Variants in FMN2 observed in about 807,000 individuals in gnomAD.
The protein encoded by FMN2 is formin-2.
In FMN2, 51 loss-of-function variants were observed where a neutral mutation model predicts 142.3. The observed-to-expected ratio is 0.36, with a 90% confidence interval of 0.29 to 0.45. The LOEUF is 0.45. FMN2 is among the 20% of genes least tolerant of loss of function. FMN2 has a pLI of 1.00. For missense variants in FMN2, 1,936 were observed against 2,122.8 expected (o/e 0.91, Z 1.73); for synonymous variants, 882 against 869.8 (o/e 1.01, Z -0.25).
intron 1 of FMN2, among the ~76,000 whole-genome samples, chr1:240,121,094 G>A (rs951529702): frequency 1.3e-5 from 2 of 152,066 alleles, no homozygotes; most frequent in African/African-American, 4.8e-5. Context: ...CCGGGAGGCG[G>A]AGGTTGCAGT....
In FMN2 at chr1:240,258,017, A is replaced by G. The variant is rs1668507304; in HGVS notation, c.4138A>G (p.Lys1380Glu). ...AATGTCTAGCCTTCATTTAGATATG[A>G]AAGACATACAACATGGTAAGTGTCA... ...ILMSSLHLDM[K>E]DIQHAVVNLD... Residue 1380 changes from lysine to glutamate, a missense_variant, in exon 7 of 18, where the codon AAA becomes GAA. Lys to Glu is a moderately conservative substitution (Grantham distance 56, BLOSUM62 1). This residue lies in a region of FMN2 where 322 missense variants were observed against 401.6 expected (regional missense o/e 0.80). Transcript: ENST00000319653. The G allele has an allele frequency of 1.9e-6, 3 of 1,611,304 alleles. No homozygotes were observed. Among genetic ancestry groups the G allele is most frequent in the Non-Finnish European group, 2.5e-6 (3 of 1,178,938 alleles).
chr1:240,264,328 G>C (rs1040102370), intron 7 of FMN2, among the ~76,000 whole-genome samples: 4 of 152,142 alleles, frequency 2.6e-5, no homozygotes, highest in Middle Eastern at 3.2e-3. Flanking sequence ...GTACCAAAAA[G>C]AGAACCGGTA....
At chr1:240,228,555 A>G (rs1169426035) in intron 6 of FMN2, among the ~76,000 whole-genome samples, 1 of 152,044 alleles carries the variant, frequency 6.6e-6, no homozygotes, top group Non-Finnish European at 1.5e-5. Flanking sequence ...AAGGATGCGG[A>G]GAAACTGGAA....
intron 13 of FMN2, among the ~76,000 whole-genome samples, chr1:240,340,057 A>C (rs955510526): frequency 2.2e-4 from 34 of 152,176 alleles, no homozygotes; most frequent in African/African-American, 8.0e-4. Flanking sequence ...AATAAGATGA[A>C]TGTTTTAGAA....
chr1:240,355,776 A>T, intron 13 of FMN2, 40 bp from the exon 14 acceptor site: 1 of 1,462,338 alleles, frequency 6.8e-7, no homozygotes, highest in Non-Finnish European at 9.5e-7. Context: ...ATGCTCCACT[A>T]ACAGTGTGAC....
intron 2 of FMN2, among the ~76,000 whole-genome samples, chr1:240,165,909 G>T (rs1394705021): frequency 1.3e-5 from 2 of 151,838 alleles, no homozygotes; most frequent in African/African-American, 2.4e-5. Context: ...AGAGGTCAGG[G>T]TCCTCCAGTC....
At chr1:240,449,841 C>A (rs1675945060) in intron 16 of FMN2, among the ~76,000 whole-genome samples, 3 of 152,030 alleles carry the variant, frequency 2.0e-5, no homozygotes, top group Admixed American at 1.3e-4. Context: ...AAAGTGATGT[C>A]TTGATATACA....
intron 2 of FMN2, chr1:240,171,394 G>A (rs1664697228): frequency 1.8e-6 from 1 of 541,484 alleles, no homozygotes; most frequent in Middle Eastern, 5.2e-4. Flanking sequence ...CTACTCCAGA[G>A]AATGGTGTGA....
chr1:240,146,817 A>G (rs998841665), intron 2 of FMN2, among the ~76,000 whole-genome samples: 6 of 152,156 alleles, frequency 3.9e-5, no homozygotes, highest in Non-Finnish European at 7.3e-5. Context: ...ATAAGTGAAC[A>G]CCAATCTAGT....
intron 15 of FMN2, among the ~76,000 whole-genome samples, chr1:240,422,701 T>C (rs539558915): frequency 1.3e-5 from 2 of 152,344 alleles, no homozygotes; most frequent in East Asian, 3.9e-4. Flanking sequence ...GACAGTTGTA[T>C]TTCTTTCTTT....
At chr1:240,407,541 G>A (rs1006127329) in intron 15 of FMN2, among the ~76,000 whole-genome samples, 5 of 152,162 alleles carry the variant, frequency 3.3e-5, no homozygotes, top group African/African-American at 4.8e-5. Context: ...GTCAAGGAGG[G>A]AGATAGCAAG....
At chr1:240,126,357 C>T (rs1429486089) in intron 2 of FMN2, among the ~76,000 whole-genome samples, 1 of 150,732 alleles carries the variant, frequency 6.6e-6, no homozygotes, top group Non-Finnish European at 1.5e-5. Flanking sequence ...TGGTACCCTT[C>T]CTACCTACCC....
chr1:240,387,297 A>G lies in FMN2; in HGVS notation c.4859-5214A>G, dbSNP rs115420961. Among the ~76,000 whole-genome samples the G allele has an allele frequency of 4.6e-3, 700 of 152,322 alleles. 4 individuals carry two copies. Among genetic ancestry groups the G allele is most frequent in the African/African-American group, 0.016 (681 of 41,566 alleles). Reference sequence around the variant, plus strand: ...ACATTTTCCTTGGCAGTGGATCTCAAACTCCAAGCTATGAATAATTACCCA... The same window carrying G: ...ACATTTTCCTTGGCAGTGGATCTCAGACTCCAAGCTATGAATAATTACCCA... On this transcript the variant is annotated intron_variant, in intron 14 of 17. Transcript: ENST00000319653.
chr1:240,338,692 T>G (rs1671646534), intron 13 of FMN2, among the ~76,000 whole-genome samples: 1 of 152,160 alleles, frequency 6.6e-6, no homozygotes, highest in Non-Finnish European at 1.5e-5. Context: ...GGTCCCCAGC[T>G]TTTTGGCAAT....
intron 14 of FMN2, among the ~76,000 whole-genome samples, chr1:240,384,479 C>T (rs975007670): frequency 6.6e-6 from 1 of 151,996 alleles, no homozygotes. Flanking sequence ...TATCTTTCTT[C>T]TTGACATCTC....
At position 240,207,467 on chromosome 1, in the gene FMN2, C is replaced by T. The variant is rs748458978; in HGVS notation, c.2655C>T (p.Gly885=). The T allele has an allele frequency of 6.2e-7, 1 of 1,612,960 alleles. No homozygotes were observed. Among genetic ancestry groups the T allele is most frequent in the South Asian group, 1.1e-5 (1 of 91,032 alleles). The part of the protein sequence containing the change: ...MVPPPPPPLP[G]MTVPTLPSTA... ...CTCCCCCACCTCCCCCTCTCCCTGG[C>T]ATGACAGTGCCTACTCTGCCCAGTA... Residue 885 remains glycine, a synonymous_variant, in exon 5 of 18, where the codon GGC becomes GGT. Transcript: ENST00000319653.
intron 13 of FMN2, among the ~76,000 whole-genome samples, chr1:240,339,628 T>C (rs555620935): frequency 6.6e-6 from 1 of 152,302 alleles, no homozygotes; most frequent in African/African-American, 2.4e-5. Flanking sequence ...ATAGGAACTT[T>C]AGACAACCTT....
At chr1:240,315,976 A>T (rs1339762974) in intron 8 of FMN2, among the ~76,000 whole-genome samples, 1 of 152,212 alleles carries the variant, frequency 6.6e-6, no homozygotes, top group Non-Finnish European at 1.5e-5. Flanking sequence ...CATAACATAT[A>T]TATAGGGTTT....
At chr1:240,391,825 CAA>C (rs71638662) in intron 14 of FMN2, among the ~76,000 whole-genome samples, 13,445 of 139,688 alleles carry the variant, frequency 0.096, 660 homozygotes, top group East Asian at 0.15. Context: ...GCTTACTTGT[CAA>C]AAAAAAAAAA....
Sources: gnomAD v4.1 joint callset for allele counts (sites outside exome capture counted in the v4.1 genomes callset) on GRCh38, gnomAD v4.1.1 for gene constraint, gnomAD v4.1.1 regional missense constraint, MANE v1.5 for transcripts, NCBI Gene and HGNC (gene_info 2026-07-23, HGNC 2026-07-21) for gene names.